The following LRRTM3 variants were observed in gnomAD, a reference collection of about 807,000 sequenced individuals.
LRRTM3 encodes the protein leucine-rich repeat transmembrane neuronal protein 3.
In LRRTM3, 24 loss-of-function variants were observed where a neutral mutation model predicts 44.7. The observed-to-expected ratio is 0.54, with a 90% CI of 0.39 to 0.76. The LOEUF (loss-of-function observed/expected upper bound fraction) is 0.76, where lower values mean the gene tolerates loss of function less well. LRRTM3 is among the 30% of genes least tolerant of loss of function. LRRTM3 has a pLI of 0.00. For synonymous variants in LRRTM3, 277 were observed against 278.7 expected, an observed-to-expected ratio of 0.99 and a Z score of 0.06; for missense variants, 587 against 702.2, an observed-to-expected ratio of 0.84 and a Z score of 1.85.
chr10:66,931,821 G>A (rs1379808926), intron 2 of LRRTM3, among the ~76,000 whole-genome samples: 5 of 152,118 alleles, frequency 3.3e-5, no homozygotes, highest in Admixed American at 2.6e-4. Flanking sequence ...GAGTAATAAC[G>A]CAATAAGAAT....
intron 2 of LRRTM3, among the ~76,000 whole-genome samples, chr10:67,069,398 CT>C (rs1856294865): frequency 6.6e-6 from 1 of 151,906 alleles, no homozygotes; most frequent in African/African-American, 2.4e-5. Context: ...AGCTTATTAA[CT>C]CAAAAAACGC....
At chr10:67,030,734 G>A (rs900921322) in intron 2 of LRRTM3, among the ~76,000 whole-genome samples, 4 of 152,104 alleles carry the variant, frequency 2.6e-5, no homozygotes, top group Admixed American at 6.6e-5. Context: ...GGTCAGATGC[G>A]GTGGCTCACG....
chr10:67,038,605 G>A (rs1854208770), intron 2 of LRRTM3, among the ~76,000 whole-genome samples: 1 of 152,022 alleles, frequency 6.6e-6, no homozygotes. Context: ...GTGCATAATA[G>A]CAGCTAGTAT....
At chr10:66,982,066 C>A (rs1318676685) in intron 2 of LRRTM3, among the ~76,000 whole-genome samples, 1 of 152,188 alleles carries the variant, frequency 6.6e-6, no homozygotes, top group African/African-American at 2.4e-5. Context: ...ATACACATAA[C>A]ATTAGATAGA....
At chr10:67,048,581 C>T (rs1222977726) in intron 2 of LRRTM3, among the ~76,000 whole-genome samples, 1 of 152,010 alleles carries the variant, frequency 6.6e-6, no homozygotes, top group Non-Finnish European at 1.5e-5. Flanking sequence ...TATACATTAT[C>T]ACAACACTCA....
intron 2 of LRRTM3, among the ~76,000 whole-genome samples, chr10:67,058,076 TC>T (rs1285365174): frequency 6.6e-6 from 1 of 152,152 alleles, no homozygotes; most frequent in Non-Finnish European, 1.5e-5. Flanking sequence ...TTTCAACTAA[TC>T]TTTTCTTGCA....
intron 2 of LRRTM3, among the ~76,000 whole-genome samples, chr10:66,979,391 T>C (rs1850282390): frequency 6.6e-6 from 1 of 152,176 alleles, no homozygotes; most frequent in African/African-American, 2.4e-5. Flanking sequence ...AACACACCTA[T>C]GGAAGTTTTC....
At chr10:66,957,459 T>TATATATATGCATATATATATATGC (rs1564794107) in intron 2 of LRRTM3, among the ~76,000 whole-genome samples, 6 of 25,174 alleles carry the variant, frequency 2.4e-4, no homozygotes, top group Admixed American at 5.5e-4. Flanking sequence ...TATATATGCA[T>TATATATATGCATATATATATATGC]ATATATATAT....
At chr10:67,032,367 C>T (rs747297377) in intron 2 of LRRTM3, among the ~76,000 whole-genome samples, 2 of 152,104 alleles carry the variant, frequency 1.3e-5, no homozygotes, top group African/African-American at 2.4e-5. Context: ...AATTTGCCTA[C>T]TTTCCTCAAT....
intron 2 of LRRTM3, among the ~76,000 whole-genome samples, chr10:67,078,506 T>C (rs1485165673): frequency 2.0e-5 from 3 of 149,860 alleles, no homozygotes; most frequent in Non-Finnish European, 4.4e-5. Context: ...AATTTTTTTC[T>C]GATACCTTTT....
At chr10:66,994,309 C>T (rs1318929619) in intron 2 of LRRTM3, among the ~76,000 whole-genome samples, 1 of 152,150 alleles carries the variant, frequency 6.6e-6, no homozygotes, top group African/African-American at 2.4e-5. Context: ...AATGGGTTTG[C>T]CTGGCCTTTG....
Position 67,097,734 on chromosome 10 carries a change from C to G in LRRTM3, c.1684C>G (p.Leu562Val), listed in dbSNP as rs141660931. The G allele has an allele frequency of 6.2e-7, 1 of 1,612,646 alleles. No individual in the cohort carries two copies. The highest frequency in any genetic ancestry group is 1.3e-5 in the African/African-American group (1 of 74,902). ...DTMETHLETE[L>V]DLSTITTAGR... is the part of the protein sequence containing the mutation. ...GATGGAAACACACCTAGAGACTGAG[C>G]TGGACCTGAGCACAATCACAACAGC... The change falls in exon 3 of 3, where the codon CTG becomes GTG. Residue 562 changes from leucine to valine, a missense_variant. Transcript: ENST00000361320.
chr10:67,049,210 ACAGGAGGCAGGGT>A (rs1409612940), intron 2 of LRRTM3, among the ~76,000 whole-genome samples: 1 of 152,120 alleles, frequency 6.6e-6, no homozygotes, highest in African/African-American at 2.4e-5. Context: ...GATGGTAGAA[ACAGGAGGCAGGGT>A]CAGTTATTTC....
chr10:67,066,195 C>CTTTTTTTTTT lies in LRRTM3; in HGVS notation c.1537-31384_1537-31375dup, dbSNP rs71006118. Among the ~76,000 whole-genome samples the CTTTTTTTTTT allele has an allele frequency of 2.4e-5, 3 of 123,066 alleles. 1 individual carries two copies. The highest frequency in any genetic ancestry group is 3.2e-5 in the African/African-American group (1 of 30,916). 80.7% of individuals were successfully genotyped at this position (123,066 alleles called of 152,430 possible). A position where few individuals can be genotyped will look rare whatever the true frequency, so the allele number is the denominator to read the frequency against. The stretch of plus-strand genomic sequence containing the variant: ...CTGCTGTGCCCACTGAAGTCACTGG[C>CTTTTTTTTTT]TTTTTTTTTTTTTTTTTGAGACAGT... On this transcript the variant is annotated intron_variant, in intron 2 of 2. Transcript: ENST00000361320.
Position 67,007,465 on chromosome 10 carries a change from A to G in LRRTM3, c.1536+79013A>G, listed in dbSNP as rs372955817. The stretch of plus-strand genomic sequence containing the variant: ...TATCATGATTTTTTTCATTTCTAAA[A>G]TAAGAGATAAAATATTTGACAAGCA... On this transcript the variant is annotated intron_variant, in intron 2 of 2. Coordinates refer to ENST00000361320, the MANE Select transcript of LRRTM3 (RefSeq NM_178011.5). Among the ~76,000 whole-genome samples the G allele has an allele frequency of 2.0e-5, 3 of 152,058 alleles. No homozygotes were observed. The South Asian group carries it at 6.2e-4, about 32-fold the overall frequency.
At chr10:67,061,181 T>A (rs1417923974) in intron 2 of LRRTM3, among the ~76,000 whole-genome samples, 1 of 152,236 alleles carries the variant, frequency 6.6e-6, no homozygotes, top group Non-Finnish European at 1.5e-5. Context: ...GCTTCCTCTA[T>A]GATACCTGGC....
chr10:67,016,663 G>A (rs925608096), intron 2 of LRRTM3, among the ~76,000 whole-genome samples: 3 of 152,146 alleles, frequency 2.0e-5, no homozygotes, highest in South Asian at 4.1e-4. Flanking sequence ...TGGGGGAAAG[G>A]CACCTATTGA....
At chr10:67,020,382 G>C (rs1345862543) in intron 2 of LRRTM3, among the ~76,000 whole-genome samples, 4 of 152,066 alleles carry the variant, frequency 2.6e-5, no homozygotes, top group African/African-American at 9.7e-5. Flanking sequence ...TGTCCCTTCT[G>C]AGCTTTTATT....
chr10:67,067,932 CAG>C (rs1856193605), intron 2 of LRRTM3, among the ~76,000 whole-genome samples: 1 of 152,150 alleles, frequency 6.6e-6, no homozygotes. Context: ...TTCAATCTGG[CAG>C]GTTGGGTAAA....
Sources: gnomAD v4.1 joint callset for allele counts (sites outside exome capture counted in the v4.1 genomes callset) on GRCh38, gnomAD v4.1.1 for gene constraint, MANE v1.5 for transcripts, NCBI Gene and HGNC (gene_info 2026-07-23, HGNC 2026-07-21) for gene names.